The following SLC39A9 variants were observed in gnomAD, a reference collection of about 807,000 sequenced individuals.
SLC39A9 encodes the protein zinc transporter ZIP9.
A neutral mutation model predicts 28.4 loss-of-function variants in SLC39A9; 14 were observed. That is an observed-to-expected ratio of 0.49 (90% CI 0.33 to 0.77). SLC39A9 has a LOEUF of 0.77. Ranked by LOEUF, SLC39A9 falls within the 30% of genes least tolerant of loss-of-function variation. The pLI is 0.02. For synonymous variants in SLC39A9, 119 were observed against 149.6 expected, an observed-to-expected ratio of 0.80 and a Z score of 1.49; for missense variants, 283 against 381.1, an observed-to-expected ratio of 0.74 and a Z score of 2.14.
At chr14:69,428,380 C>G (rs1027008454) in intron 2 of SLC39A9, among the ~76,000 whole-genome samples, 1 of 152,028 alleles carries the variant, frequency 6.6e-6, no homozygotes, top group African/African-American at 2.4e-5. Flanking sequence ...GAAAATGAAG[C>G]CTGCAGCAGC....
intron 2 of SLC39A9, among the ~76,000 whole-genome samples, chr14:69,425,751 G>A: frequency 6.6e-6 from 1 of 151,850 alleles, no homozygotes; most frequent in African/African-American, 2.4e-5. Flanking sequence ...GAAATCTCTT[G>A]GGTTTAAGCA....
At chr14:69,424,383 T>C (rs903516758) in intron 2 of SLC39A9, among the ~76,000 whole-genome samples, 181 bp downstream of exon 2, 4 of 152,174 alleles carry the variant, frequency 2.6e-5, no homozygotes, top group African/African-American at 4.8e-5. Flanking sequence ...GTTTGTCAAC[T>C]GAATGTCCCA....
At chr14:69,422,527 C>T (rs927081303) in intron 1 of SLC39A9, among the ~76,000 whole-genome samples, 2 of 152,114 alleles carry the variant, frequency 1.3e-5, no homozygotes, top group South Asian at 2.1e-4. Flanking sequence ...CCTCTGCTTC[C>T]ACCACCCAAG....
At chr14:69,400,503 A>C (rs1028881680) in intron 1 of SLC39A9, among the ~76,000 whole-genome samples, 1 of 152,252 alleles carries the variant, frequency 6.6e-6, no homozygotes, top group Admixed American at 6.5e-5. Context: ...CTACATTCAA[A>C]GGGAACAAGA....
chr14:69,406,290 C>T lies in SLC39A9; in HGVS notation c.96+6825C>T, dbSNP rs1882907987. On this transcript the variant is annotated intron_variant, in intron 1 of 6. Coordinates refer to ENST00000336643, the MANE Select transcript of SLC39A9 (RefSeq NM_018375.5). ...TAGATGCCTTTTAAATTAACACCTG[C>T]CAATTTGGAATCTGAAGTAGTTCCT... Among the ~76,000 whole-genome samples, 7 of 152,222 alleles carry T rather than the reference C, an allele frequency of 4.6e-5. No homozygotes were observed. The South Asian group carries it at 1.5e-3, about 32-fold the overall frequency.
intron 1 of SLC39A9, among the ~76,000 whole-genome samples, chr14:69,417,737 T>C (rs1358337712): frequency 6.6e-6 from 1 of 152,198 alleles, no homozygotes; most frequent in African/African-American, 2.4e-5. Context: ...TTGTAGCAAT[T>C]GTGAATGAGA....
At position 69,460,751 on chromosome 14, in the gene SLC39A9, C is replaced by CTAT; in HGVS notation, c.*2161_*2163dup. On this transcript the variant is annotated 3_prime_UTR_variant, in exon 7 of 7. Transcript: ENST00000336643. ...AATTTGCCTTCCCCTCTGGACCTCA[C>CTAT]TATTAACAAGCAAACCTTTCAGGGC... The CTAT allele has an allele frequency of 1.0e-6, 1 of 985,480 alleles. No homozygotes were observed. Among genetic ancestry groups the CTAT allele is most frequent in the Non-Finnish European group, 1.2e-6 (1 of 829,964 alleles). 61.0% of individuals were successfully genotyped at this position (985,480 alleles called of 1,614,324 possible). A position where few individuals can be genotyped will look rare whatever the true frequency, so the allele number is the denominator to read the frequency against.
chr14:69,452,564 A>G (rs977030041), intron 3 of SLC39A9, among the ~76,000 whole-genome samples: 3 of 152,172 alleles, frequency 2.0e-5, no homozygotes, highest in Non-Finnish European at 4.4e-5. Context: ...TCCTGACCTC[A>G]GGTGATCCAC....
intron 2 of SLC39A9, among the ~76,000 whole-genome samples, chr14:69,440,490 T>G (rs1228889421): frequency 6.6e-6 from 1 of 151,904 alleles, no homozygotes; most frequent in Non-Finnish European, 1.5e-5. Context: ...GGGACTGAGG[T>G]AGGAGGATGA....
rs375665972 is a variant in SLC39A9 at position 69,451,931 on chromosome 14, G to T, written c.404-1310G>T. On this transcript the variant is annotated intron_variant, in intron 3 of 6. Coordinates refer to ENST00000336643, the MANE Select transcript of SLC39A9 (RefSeq NM_018375.5). The stretch of plus-strand genomic sequence containing the variant: ...GGGTCTTGTGATGTTGCCCAGGCTG[G>T]TCTCAAACTCCTGGCCTCAAGTGAT... 3.5e-4 allele frequency among the ~76,000 whole-genome samples: 54 copies of T among 152,150 alleles called. No individual in the cohort carries two copies. The East Asian group carries it at 9.3e-3, about 26-fold the overall frequency.
At chr14:69,408,014 T>C (rs1883038977) in intron 1 of SLC39A9, among the ~76,000 whole-genome samples, 3 of 151,766 alleles carry the variant, frequency 2.0e-5, no homozygotes, top group Admixed American at 2.0e-4. Flanking sequence ...TATTCCTTTT[T>C]TCTTTCTTTC....
chr14:69,443,228 A>G (rs1489908803), intron 3 of SLC39A9, among the ~76,000 whole-genome samples: 1 of 152,218 alleles, frequency 6.6e-6, no homozygotes, highest in Non-Finnish European at 1.5e-5. Context: ...ATTTTTTCAG[A>G]TATGTCAGCA....
At chr14:69,458,279 G>A in intron 6 of SLC39A9, 84 bp from the exon 7 acceptor site, 1 of 1,535,432 alleles carries the variant, frequency 6.5e-7, no homozygotes, top group Non-Finnish European at 8.8e-7. Context: ...GTTAAGAACA[G>A]TGAGTGTTTT....
At chr14:69,441,812 G>T in intron 2 of SLC39A9, 1 of 1,182,148 alleles carries the variant, frequency 8.5e-7, no homozygotes, top group Non-Finnish European at 1.0e-6. Flanking sequence ...CTTGCATGGT[G>T]ATTTGCTTCC....
chr14:69,443,854 G>A (rs1885162908), intron 3 of SLC39A9, among the ~76,000 whole-genome samples: 1 of 151,118 alleles, frequency 6.6e-6, no homozygotes, highest in African/African-American at 2.4e-5. Context: ...GGGTGACAAA[G>A]TGAGACCCTG....
At chr14:69,401,548 T>C (rs1241164221) in intron 1 of SLC39A9, among the ~76,000 whole-genome samples, 4 of 152,260 alleles carry the variant, frequency 2.6e-5, no homozygotes, top group Non-Finnish European at 4.4e-5. Context: ...CCTTTAACTT[T>C]ACCAATTCCA....
chr14:69,425,593 T>C (rs1163948476), intron 2 of SLC39A9, among the ~76,000 whole-genome samples: 2 of 152,142 alleles, frequency 1.3e-5, no homozygotes, highest in Non-Finnish European at 2.9e-5. Flanking sequence ...AGTTTCTTTG[T>C]GTTATTTTTA....
chr14:69,426,062 A>G (rs1314305949), intron 2 of SLC39A9, among the ~76,000 whole-genome samples: 2 of 152,198 alleles, frequency 1.3e-5, no homozygotes, highest in Non-Finnish European at 2.9e-5. Context: ...TCACACCACA[A>G]CAATCATAAA....
At chr14:69,453,118 TTG>T (rs1885694387) in intron 3 of SLC39A9, 121 bp from the exon 4 acceptor site, 1 of 731,524 alleles carries the variant, frequency 1.4e-6, no homozygotes, top group Non-Finnish European at 2.3e-6. Context: ...GGGCGGATCA[TTG>T]GAGGTCAGGA....
Sources: allele counts gnomAD v4.1 joint callset (sites outside exome capture counted in the v4.1 genomes callset), GRCh38; gene constraint gnomAD v4.1.1; transcripts MANE v1.5; gene names NCBI Gene and HGNC (gene_info 2026-07-23, HGNC 2026-07-21).